The following TMEM131L variants were observed in gnomAD, a reference collection of about 807,000 sequenced individuals.
TMEM131L encodes the protein transmembrane protein 131-like.
In TMEM131L, 54 loss-of-function variants were observed where a neutral mutation model predicts 192.2. That is an observed-to-expected ratio of 0.28 (90% CI 0.23 to 0.35). The LOEUF is 0.35. Among genes scored for constraint, TMEM131L ranks in the 10% least tolerant of loss-of-function variants. The probability of loss-of-function intolerance (pLI) is 1.00; values close to 1 mark genes in which losing one functional copy is unlikely to be tolerated. For synonymous variants in TMEM131L, 701 were observed against 704.9 expected, an observed-to-expected ratio of 0.99 and a Z score of 0.09; for missense variants, 1,888 against 1,972.9, an observed-to-expected ratio of 0.96 and a Z score of 0.82.
rs1320835372 is a variant in TMEM131L at position 153,466,537 on chromosome 4, C to G, written c.124+16C>G. ...CAGGGACAAGGTCAGCCTTGCGCCG[C>G]TGGGCTCGCTCTGCCTCTCCACCCC... is the stretch of plus-strand genomic sequence containing the variant. On this transcript the variant is annotated intron_variant, in intron 1 of 34. Coordinates refer to ENST00000409959, the MANE Select transcript of TMEM131L (RefSeq NM_001131007.2). 7.5e-7 allele frequency: 1 copy of G among 1,324,948 alleles called. No individual in the cohort carries two copies. Among genetic ancestry groups the G allele is most frequent in the Admixed American group, 3.3e-5 (1 of 30,332 alleles). The allele number at this position is 1,324,948 out of a possible 1,614,324, so 82.1% of individuals were successfully genotyped here.
chr4:153,602,315 C>T lies in TMEM131L; in HGVS notation c.2430C>T (p.Asn810=). 2 of 1,613,688 alleles carry T rather than the reference C, an allele frequency of 1.2e-6. No homozygotes were observed. Among genetic ancestry groups the T allele is most frequent in the Non-Finnish European group, 1.7e-6 (2 of 1,179,906 alleles). ...GTCATCAGTTTTCCCTGGACCCAAA[C>T]ACATCCCGCGATATCAGCATTGTGT... The part of the protein sequence containing the change: ...LDCHQFSLDP[N]TSRDISIVFT... The change falls in exon 22 of 35, where the codon AAC becomes AAT. Residue 810 remains asparagine, a synonymous_variant. Coordinates refer to ENST00000409959, the MANE Select transcript of TMEM131L (RefSeq NM_001131007.2).
intron 25 of TMEM131L, among the ~76,000 whole-genome samples, chr4:153,610,935 A>G (rs1732569099): frequency 6.6e-6 from 1 of 152,248 alleles, no homozygotes; most frequent in African/African-American, 2.4e-5. Flanking sequence ...TCTTAGTTCA[A>G]GAAAAAAGAA....
At position 153,591,076 on chromosome 4, in the gene TMEM131L, G is replaced by A. The variant is rs766472443; in HGVS notation, c.1694G>A (p.Arg565Gln). The A allele has an allele frequency of 3.1e-5, 49 of 1,594,896 alleles. No individual in the cohort carries two copies. The highest frequency in any genetic ancestry group is 1.0e-4 in the Admixed American group (6 of 58,704). ...VCKRNVLGTTRFAHLKKSKES... is the reference protein window; with the variant it reads ...VCKRNVLGTTQFAHLKKSKES... ...AGGAGGAATGTTTTGGGAACAACTC[G>A]ATTTGCTCACTTGAAGAAATCCAAG... The change falls in exon 17 of 35, where the codon CGA becomes CAA. Residue 565 changes from arginine (R) to glutamine (Q), a missense_variant. Arg to Gln is a conservative substitution (Grantham distance 43). Transcript: ENST00000409959.
chr4:153,584,174 T>C (rs1730550940), intron 11 of TMEM131L, among the ~76,000 whole-genome samples: 1 of 152,212 alleles, frequency 6.6e-6, no homozygotes, highest in South Asian at 2.1e-4. Flanking sequence ...TGGACAGCGA[T>C]GCGAGCAGTG....
At chr4:153,538,364 C>G (rs1224245065) in intron 3 of TMEM131L, among the ~76,000 whole-genome samples, 1 of 152,180 alleles carries the variant, frequency 6.6e-6, no homozygotes, top group East Asian at 1.9e-4. Flanking sequence ...AGGCTCTAAA[C>G]CAGTCACATG....
chr4:153,623,004 C>G lies in TMEM131L; in HGVS notation c.3966C>G (p.Ser1322Arg), dbSNP rs1396040694. Residue 1322 changes from serine to arginine, a missense_variant, in exon 29 of 35, where the codon AGC becomes AGG. Physicochemically the swap from Ser to Arg is moderately radical, Grantham distance 110. Coordinates refer to ENST00000409959, the MANE Select transcript of TMEM131L (RefSeq NM_001131007.2). ...GCAGCGTGCGTGCCAGCCGGGGCAG[C>G]TGGGGGAGCTGGAGCAGCACCAGCA... The part of the protein sequence containing the change: ...SSGSVRASRG[S>R]WGSWSSTSSS... 1 of 1,614,134 alleles carries G rather than the reference C, an allele frequency of 6.2e-7. No homozygotes were observed.
intron 26 of TMEM131L, among the ~76,000 whole-genome samples, chr4:153,616,860 A>G (rs1733008832): frequency 6.6e-6 from 1 of 152,222 alleles, no homozygotes; most frequent in Non-Finnish European, 1.5e-5. Flanking sequence ...ACTGTGCCAT[A>G]ATTTAAACCA....
chr4:153,474,941 CTAAGTGGTGTA>C (rs999229459), intron 3 of TMEM131L, among the ~76,000 whole-genome samples: 1 of 152,134 alleles, frequency 6.6e-6, no homozygotes, highest in Non-Finnish European at 1.5e-5. Context: ...CGAAGACACT[CTAAGTGGTGTA>C]TAAGTGGGAG....
intron 7 of TMEM131L, among the ~76,000 whole-genome samples, chr4:153,577,948 G>T (rs1730068821): frequency 6.6e-6 from 1 of 152,128 alleles, no homozygotes; most frequent in South Asian, 2.1e-4. Flanking sequence ...GATGTGGGAG[G>T]GTTCAGCATG....
intron 7 of TMEM131L, among the ~76,000 whole-genome samples, chr4:153,572,169 T>C (rs1729633357): frequency 1.3e-5 from 2 of 152,134 alleles, no homozygotes; most frequent in Admixed American, 1.3e-4. Flanking sequence ...ACCTCAGACA[T>C]TTATCATTTC....
At chr4:153,594,842 C>T (rs1373671223) in intron 19 of TMEM131L, among the ~76,000 whole-genome samples, 1 of 152,130 alleles carries the variant, frequency 6.6e-6, no homozygotes, top group Non-Finnish European at 1.5e-5. Context: ...GCCCCTCTCT[C>T]TCCTTCTCAT....
intron 3 of TMEM131L, among the ~76,000 whole-genome samples, chr4:153,490,363 A>G (rs2149877250): frequency 6.6e-6 from 1 of 152,300 alleles, no homozygotes; most frequent in East Asian, 1.9e-4. Flanking sequence ...TCTAGTCATT[A>G]GAGGGCTGGG....
At chr4:153,611,371 A>C (rs896903376) in intron 25 of TMEM131L, among the ~76,000 whole-genome samples, 1 of 152,250 alleles carries the variant, frequency 6.6e-6, no homozygotes, top group African/African-American at 2.4e-5. Flanking sequence ...CTTAACTTTG[A>C]CTGTAAAACT....
intron 3 of TMEM131L, among the ~76,000 whole-genome samples, chr4:153,538,020 G>A (rs1468439921): frequency 6.6e-6 from 1 of 152,232 alleles, no homozygotes; most frequent in Non-Finnish European, 1.5e-5. Context: ...GGGAACACAA[G>A]TATTTTCCCT....
At chr4:153,472,490 T>TA (rs1191183900) in intron 2 of TMEM131L, among the ~76,000 whole-genome samples, 1 of 152,086 alleles carries the variant, frequency 6.6e-6, no homozygotes, top group African/African-American at 2.4e-5. Context: ...ATTGAGCACA[T>TA]ACTGCAGGCC....
At chr4:153,535,399 T>C (rs778392658) in intron 3 of TMEM131L, among the ~76,000 whole-genome samples, 3 of 151,938 alleles carry the variant, frequency 2.0e-5, no homozygotes, top group Non-Finnish European at 4.4e-5. Context: ...TTTGGGGTGG[T>C]GTTTACAGCC....
At chr4:153,577,786 A>G (rs1730057242) in intron 7 of TMEM131L, among the ~76,000 whole-genome samples, 1 of 152,222 alleles carries the variant, frequency 6.6e-6, no homozygotes, top group African/African-American at 2.4e-5. Context: ...TCTGGCTTAA[A>G]CAACTGGATA....
intron 3 of TMEM131L, among the ~76,000 whole-genome samples, chr4:153,481,822 G>C (rs1437117764): frequency 2.0e-5 from 3 of 151,472 alleles, no homozygotes; most frequent in African/African-American, 4.9e-5. Flanking sequence ...ACAGGCGTGA[G>C]CCACTGCGCC....
chr4:153,516,531 T>C (rs1734744211), intron 3 of TMEM131L, among the ~76,000 whole-genome samples: 1 of 152,090 alleles, frequency 6.6e-6, no homozygotes, highest in Non-Finnish European at 1.5e-5. Context: ...TGCCTAGCCC[T>C]AAAATCGAAT....
Sources: gnomAD v4.1 joint callset for allele counts (sites outside exome capture counted in the v4.1 genomes callset) on GRCh38, gnomAD v4.1.1 for gene constraint, MANE v1.5 for transcripts, NCBI Gene and HGNC (gene_info 2026-07-23, HGNC 2026-07-21) for gene names.